The following ZNF846 variants were observed in gnomAD, a reference collection of about 807,000 sequenced individuals.
ZNF846 encodes the protein zinc finger protein 420 pseudogene.
In ZNF846, 15 loss-of-function variants were observed where a neutral mutation model predicts 16.0. The observed-to-expected ratio is 0.94, with a 90% confidence interval of 0.63 to 1.45. The LOEUF (loss-of-function observed/expected upper bound fraction) is 1.45, where lower values mean the gene tolerates loss of function less well. Ranked by LOEUF, ZNF846 falls within the 40% of genes most tolerant of loss-of-function variation. The pLI is 0.00. For synonymous variants in ZNF846, 229 were observed against 212.0 expected (o/e 1.08, Z -0.70); for missense variants, 714 against 622.3 (o/e 1.15, Z -1.57).
upstream of ZNF846, among the ~76,000 whole-genome samples, chr19:9,773,163 GA>G (rs1465584533): frequency 6.6e-6 from 1 of 152,138 alleles, no homozygotes; most frequent in African/African-American, 2.4e-5. Flanking sequence ...GAAGCCTTTG[GA>G]AAAAATTCAA....
At position 9,759,806 on chromosome 19, in the gene ZNF846, G is replaced by A. The variant is rs555684022; in HGVS notation, c.312+54C>T. The stretch of plus-strand genomic sequence containing the variant: ...GCCATTTTCCTCATATAATTTTCAT[G>A]AATATTGTGCTTCTTGTCCTAGTGT... On this transcript the variant is annotated intron_variant, in intron 5 of 5. Coordinates refer to ENST00000397902, the Ensembl canonical transcript of ZNF846. 21 of 1,361,436 alleles carry A rather than the reference G, an allele frequency of 1.5e-5. No homozygotes were observed. In the African/African-American group the frequency reaches 1.6e-4, roughly 11 times the overall value. The allele number at this position is 1,361,436 out of a possible 1,614,324, so 84.3% of individuals were successfully genotyped here. A position where few individuals can be genotyped will look rare whatever the true frequency, so the allele number is the denominator to read the frequency against.
chr19:9,755,994 C>T (rs186972134), downstream of ZNF846, among the ~76,000 whole-genome samples: 1 of 148,464 alleles, frequency 6.7e-6, no homozygotes, highest in Non-Finnish European at 1.5e-5. Flanking sequence ...GCACCCGCCA[C>T]CATACTTGGC....
In ZNF846 at chr19:9,759,854, TC is replaced by T; in HGVS notation, c.312+5del. 1 of 1,607,410 alleles carries T rather than the reference TC, an allele frequency of 6.2e-7. No homozygotes were observed. On this transcript the variant is annotated splice_donor_5th_base_variant and intron_variant, in intron 5 of 5. Transcript: ENST00000397902. The stretch of plus-strand genomic sequence containing the variant: ...TGTGGAAGATTTCATCCCTTGGAAA[TC>T]TTACCAATTGTACTCCATTTGGTGA...
downstream of ZNF846, among the ~76,000 whole-genome samples, chr19:9,752,691 A>T (rs369498516): frequency 5.6e-5 from 8 of 143,836 alleles, no homozygotes; most frequent in South Asian, 2.1e-4. Context: ...CTCTCATTCT[A>T]GAATGCCTTG....
Position 9,760,093 on chromosome 19 carries a change from A to G in ZNF846, c.230-151T>C, listed in dbSNP as rs1003130522. ...GCTTACCTGAGGTTAGGAGTTCAAG[A>G]CCAGCCTGGCCAACATGGTGAAACA... On this transcript the variant is annotated intron_variant, in intron 4 of 5. Transcript: ENST00000397902. The G allele has an allele frequency of 9.9e-5, 56 of 564,346 alleles. 3 individuals are homozygous for G. The highest frequency in any genetic ancestry group is 9.7e-4 in the African/African-American group (50 of 51,292). 35.0% of individuals were successfully genotyped at this position (564,346 alleles called of 1,614,324 possible).
At chr19:9,764,780 T>C in intron 2 of ZNF846, 156 bp downstream of exon 2, 1 of 840,582 alleles carries the variant, frequency 1.2e-6, no homozygotes, top group Non-Finnish European at 2.0e-6. Context: ...CTGTACAACC[T>C]GAGATGGCTT....
At chr19:9,751,577 T>A (rs1244773690), downstream of ZNF846, among the ~76,000 whole-genome samples, 7 of 152,108 alleles carry the variant, frequency 4.6e-5, no homozygotes, top group Admixed American at 4.6e-4. Flanking sequence ...CTCCCTGCTC[T>A]TCTGAATGTA....
chr19:9,754,167 TTGTC>T (rs2045111535), downstream of ZNF846, among the ~76,000 whole-genome samples: 1 of 151,748 alleles, frequency 6.6e-6, no homozygotes, highest in Admixed American at 6.5e-5. Flanking sequence ...CAAGTTTACT[TTGTC>T]TGATATTAAT....
chr19:9,779,961 T>C (rs554304185), intron 1 of ZNF846, among the ~76,000 whole-genome samples: 1 of 151,652 alleles, frequency 6.6e-6, no homozygotes, highest in African/African-American at 2.4e-5. Flanking sequence ...ACTGCAGCCT[T>C]GACCTCCTGG....
At chr19:9,785,723 C>T (rs1437942602) in intron 1 of ZNF846, among the ~76,000 whole-genome samples, 1 of 71,506 alleles carries the variant, frequency 1.4e-5, no homozygotes, top group African/African-American at 6.0e-5. Context: ...AGACCCCGCC[C>T]CCATCTCCCT....
At chr19:9,751,789 C>T (rs1011755476), downstream of ZNF846, among the ~76,000 whole-genome samples, 2 of 152,144 alleles carry the variant, frequency 1.3e-5, no homozygotes, top group African/African-American at 4.8e-5. Context: ...ACATCCATCC[C>T]CTGCCCACAA....
chr19:9,760,065 GT>G (rs2045199873), intron 4 of ZNF846, 123 bp from the exon 5 acceptor site: 1 of 630,760 alleles, frequency 1.6e-6, no homozygotes, highest in Admixed American at 2.8e-5. Flanking sequence ...GCCTAGATAG[GT>G]GGCTTACCTG....
intron 5 of ZNF846, 81 bp from the exon 6 acceptor site, chr19:9,758,845 G>T: frequency 2.8e-6 from 3 of 1,077,736 alleles, no homozygotes; most frequent in Non-Finnish European, 4.0e-6. Flanking sequence ...CAACATATAT[G>T]CATTGGAAAT....
At chr19:9,760,299 A>G (rs1040964719) in intron 4 of ZNF846, among the ~76,000 whole-genome samples, 2 of 151,296 alleles carry the variant, frequency 1.3e-5, no homozygotes, top group African/African-American at 4.9e-5. Flanking sequence ...CTCAAAAAAA[A>G]AAAATGCCTA....
downstream of ZNF846, among the ~76,000 whole-genome samples, chr19:9,751,030 C>T (rs532287823): frequency 5.9e-5 from 9 of 152,306 alleles, no homozygotes; most frequent in East Asian, 1.7e-3. Flanking sequence ...ACTAATTATG[C>T]TGGACCCACC....
At chr19:9,758,614 A>C in exon 6 of ZNF846, 1 of 1,613,080 alleles carries the variant, frequency 6.2e-7, no homozygotes, top group Admixed American at 1.7e-5. Flanking sequence ...CTATGAGGAA[A>C]GTTCTTTCTT....
intron 1 of ZNF846, among the ~76,000 whole-genome samples, chr19:9,781,182 A>G (rs1257885224): frequency 6.6e-6 from 1 of 152,144 alleles, no homozygotes; most frequent in Non-Finnish European, 1.5e-5. Context: ...TCTGTAGCCC[A>G]GTGGCGGATC....
chr19:9,785,484 C>T (rs1431735007), intron 1 of ZNF846, among the ~76,000 whole-genome samples: 1 of 151,420 alleles, frequency 6.6e-6, no homozygotes, highest in South Asian at 2.1e-4. Flanking sequence ...TACTCTCTTT[C>T]ACGGAGACCC....
chr19:9,770,661 A>G (rs938430358), upstream of ZNF846, among the ~76,000 whole-genome samples: 7 of 152,192 alleles, frequency 4.6e-5, no homozygotes, highest in African/African-American at 9.6e-5. Context: ...TGAGGACAGG[A>G]GTTTAAGACC....
Sources: allele counts gnomAD v4.1 joint callset (sites outside exome capture counted in the v4.1 genomes callset), GRCh38; gene constraint gnomAD v4.1.1; transcripts MANE v1.5; gene names NCBI Gene and HGNC (gene_info 2026-07-23, HGNC 2026-07-21).